The following PEX14 variants were observed in gnomAD, a reference collection of about 807,000 sequenced individuals.
PEX14 encodes peroxisomal biogenesis factor 14.
In PEX14, 15 loss-of-function variants were observed where a neutral mutation model predicts 49.5. The ratio of observed to expected loss-of-function variants is 0.30; its 90% confidence interval spans 0.20 to 0.47. The LOEUF (loss-of-function observed/expected upper bound fraction) is 0.47. PEX14 is among the 20% of genes least tolerant of loss of function. The pLI is 1.00. For missense variants in PEX14, 398 were observed against 494.8 expected (o/e 0.80, Z 1.86); for synonymous variants, 210 against 212.7 (o/e 0.99, Z 0.11).
In PEX14 at chr1:10,539,152, C is replaced by T. The variant is rs940990544; in HGVS notation, c.169+2855C>T. Among the ~76,000 whole-genome samples, 1 of 152,050 alleles carries T rather than the reference C, an allele frequency of 6.6e-6. No individual in the cohort carries two copies. The highest frequency in any genetic ancestry group is 1.5e-5 in the Non-Finnish European group (1 of 68,014). On this transcript the variant is annotated intron_variant, in intron 3 of 8. Transcript: ENST00000356607. The surrounding 1 kb of genome is among the most constrained non-coding windows in gnomAD (Gnocchi z 4.6). ...AGGGGCTGCATCCTGTCCGTGTTAC[C>T]GACTGGTTAAGTGTTGTGCTCTGTG...
intron 7 of PEX14, among the ~76,000 whole-genome samples, chr1:10,624,925 G>C (rs566135212): frequency 6.6e-6 from 1 of 152,188 alleles, no homozygotes; most frequent in South Asian, 2.1e-4. Context: ...GGTTCCATGG[G>C]TTCTGGCAAT....
chr1:10,484,236 C>T lies in PEX14; in HGVS notation c.36+9234C>T, dbSNP rs553264775. On this transcript the variant is annotated intron_variant, in intron 1 of 8. Coordinates refer to ENST00000356607, the MANE Select transcript of PEX14 (RefSeq NM_004565.3). ...AATTTTTAGTAGAGACAAGGTTTCA[C>T]CATGTTGGCCAGAGTGGTCTTGAAC... Among the ~76,000 whole-genome samples, 194 of 151,562 alleles carry T rather than the reference C, an allele frequency of 1.3e-3. 1 individual carries two copies. The highest frequency in any genetic ancestry group is 2.4e-3 in the Non-Finnish European group (164 of 67,998).
intron 3 of PEX14, among the ~76,000 whole-genome samples, chr1:10,557,992 A>G (rs1167156759): frequency 6.6e-6 from 1 of 152,114 alleles, no homozygotes; most frequent in Non-Finnish European, 1.5e-5. Context: ...CTGATTTGAC[A>G]TGTCATCTTT....
chr1:10,485,305 T>G (rs1641348541), intron 1 of PEX14, among the ~76,000 whole-genome samples: 2 of 148,202 alleles, frequency 1.3e-5, no homozygotes, highest in African/African-American at 2.5e-5. Flanking sequence ...TGTGGTTTTT[T>G]TTTTTTTTTT....
chr1:10,608,757 G>T (rs1641195382), intron 4 of PEX14, among the ~76,000 whole-genome samples: 1 of 150,190 alleles, frequency 6.7e-6, no homozygotes, highest in African/African-American at 2.5e-5. Flanking sequence ...AAAAAACAAA[G>T]CTATCGAAGT....
chr1:10,520,148 C>CTTCT (rs1553185419), intron 2 of PEX14, among the ~76,000 whole-genome samples: 47 of 69,188 alleles, frequency 6.8e-4, no homozygotes, highest in African/African-American at 2.0e-3. Context: ...CCTTCTTCTT[C>CTTCT]TTTTTTTTTT....
intron 7 of PEX14, among the ~76,000 whole-genome samples, chr1:10,625,500 C>G (rs896655727): frequency 6.6e-6 from 1 of 152,228 alleles, no homozygotes; most frequent in African/African-American, 2.4e-5. Flanking sequence ...TCCATGGAGT[C>G]TGGGGTGTCT....
In PEX14 at chr1:10,516,398, T is replaced by TGTGGGACCCACTAGGTTTGCC. The variant is rs1386082283; in HGVS notation, c.85-19806_85-19786dup. On this transcript the variant is annotated intron_variant, in intron 2 of 8. Coordinates refer to ENST00000356607, the MANE Select transcript of PEX14 (RefSeq NM_004565.3). ...GCAAATGTTGTCCCACTGGGTTTGCTGTGGGACCCACTAGGTTTGCCGTGG... is the reference window on the plus strand; with the variant it reads ...GCAAATGTTGTCCCACTGGGTTTGCTGTGGGACCCACTAGGTTTGCCGTGGGACCCACTAGGTTTGCCGTGG... 8.5e-5 allele frequency among the ~76,000 whole-genome samples: 13 copies of TGTGGGACCCACTAGGTTTGCC among 152,368 alleles called. No homozygotes were observed. The East Asian group carries it at 1.7e-3, about 20-fold the overall frequency.
At chr1:10,602,647 A>G (rs187135916) in intron 4 of PEX14, among the ~76,000 whole-genome samples, 117 of 152,320 alleles carry the variant, frequency 7.7e-4, no homozygotes, top group Non-Finnish European at 1.2e-3. Flanking sequence ...TGCTGCTGGC[A>G]TTATGAAATA....
At chr1:10,561,449 A>G (rs139298016) in intron 3 of PEX14, among the ~76,000 whole-genome samples, 2 of 152,308 alleles carry the variant, frequency 1.3e-5, no homozygotes, top group East Asian at 3.9e-4. Context: ...CATTTGTCTC[A>G]TTGTTTCCTC....
intron 2 of PEX14, among the ~76,000 whole-genome samples, chr1:10,498,772 A>C (rs775894087): frequency 2.6e-5 from 4 of 152,210 alleles, no homozygotes; most frequent in Non-Finnish European, 5.9e-5. Context: ...TCTGTTGTTG[A>C]CAAAACTCCG....
intron 3 of PEX14, among the ~76,000 whole-genome samples, chr1:10,544,331 A>G (rs1200966417): frequency 6.6e-6 from 1 of 152,238 alleles, no homozygotes; most frequent in Non-Finnish European, 1.5e-5. Flanking sequence ...GAGCTAATAC[A>G]TGGCAGAAGT....
At chr1:10,506,947 A>G (rs1336556509) in intron 2 of PEX14, among the ~76,000 whole-genome samples, 1 of 152,236 alleles carries the variant, frequency 6.6e-6, no homozygotes, top group African/African-American at 2.4e-5. Context: ...TGTTTTCAGT[A>G]TGTGGAGCAG....
At chr1:10,587,781 T>G (rs1448120897) in intron 3 of PEX14, among the ~76,000 whole-genome samples, 3 of 151,950 alleles carry the variant, frequency 2.0e-5, no homozygotes, top group East Asian at 1.9e-4. Context: ...TAGATACTAA[T>G]ATGGAGTATC....
chr1:10,557,396 G>A (rs539065773), intron 3 of PEX14, among the ~76,000 whole-genome samples: 1 of 152,236 alleles, frequency 6.6e-6, no homozygotes, highest in Admixed American at 6.5e-5. Context: ...GACCAGCCTG[G>A]CCAACATGGT....
Position 10,512,156 on chromosome 1 carries a change from C to T in PEX14, c.84+16835C>T, listed in dbSNP as rs1641895983. Among the ~76,000 whole-genome samples, 1 of 152,118 alleles carries T rather than the reference C, an allele frequency of 6.6e-6. No individual in the cohort carries two copies. Among genetic ancestry groups the T allele is most frequent in the Admixed American group, 6.5e-5 (1 of 15,276 alleles). On this transcript the variant is annotated intron_variant, in intron 2 of 8. Coordinates refer to ENST00000356607, the MANE Select transcript of PEX14 (RefSeq NM_004565.3). The surrounding 1 kb of genome is among the most constrained non-coding windows in gnomAD (Gnocchi z 4.6). ...GGTATTTTTAGTAGAGACAGGGTTT[C>T]ACCATGTTAGCCAGGATGGTCTCGA...
chr1:10,487,706 G>A (rs947523136), intron 1 of PEX14, among the ~76,000 whole-genome samples: 6 of 151,498 alleles, frequency 4.0e-5, no homozygotes, highest in African/African-American at 1.5e-4. Context: ...GATGGTCTCC[G>A]TCTCTTGACC....
At chr1:10,556,461 A>G (rs1044142078) in intron 3 of PEX14, among the ~76,000 whole-genome samples, 2 of 152,054 alleles carry the variant, frequency 1.3e-5, no homozygotes, top group Admixed American at 1.3e-4. Context: ...GGTTTCTATT[A>G]TACTAATAAG....
rs1385685007 is a variant in PEX14, at chr1:10,577,661, G to T, written c.170-21577G>T. 2.4e-5 allele frequency among the ~76,000 whole-genome samples: 3 copies of T among 122,822 alleles called. No homozygotes were observed. In the East Asian group the frequency reaches 9.0e-4, roughly 37 times the overall value. 80.6% of individuals were successfully genotyped at this position (122,822 alleles called of 152,430 possible). On this transcript the variant is annotated intron_variant, in intron 3 of 8. Transcript: ENST00000356607. ...GGCTGGAGTCCAGTGGCGCAATCTC[G>T]GCTCACTGCAAGCTCCGCCTCCTGA...
Sources: allele counts gnomAD v4.1 joint callset (sites outside exome capture counted in the v4.1 genomes callset), GRCh38; gene constraint gnomAD v4.1.1; non-coding constraint Gnocchi (gnomAD v3.1); transcripts MANE v1.5; gene names NCBI Gene and HGNC (gene_info 2026-07-23, HGNC 2026-07-21).